The following WAC variants were observed in gnomAD, a reference collection of about 807,000 sequenced individuals.
WAC encodes the protein WW domain-containing adapter protein with coiled-coil.
WAC carries 11 observed loss-of-function variants against 79.6 expected under a neutral mutation model. The ratio of observed to expected loss-of-function variants is 0.14; its 90% CI spans 0.09 to 0.23. The LOEUF is 0.23. Ranked by LOEUF, WAC falls within the 10% of genes least tolerant of loss-of-function variation. The probability of loss-of-function intolerance (pLI) is 1.00; values close to 1 mark genes in which losing one functional copy is unlikely to be tolerated. For missense variants in WAC, 728 were observed against 773.5 expected (o/e 0.94, Z 0.70); for synonymous variants, 304 against 276.9 (o/e 1.10, Z -0.97).
At chr10:28,550,532 TTGTA>T (rs1277780017) in intron 3 of WAC, among the ~76,000 whole-genome samples, 6 of 152,116 alleles carry the variant, frequency 3.9e-5, no homozygotes, top group South Asian at 2.1e-4. Flanking sequence ...AGGCAGCGAT[TTGTA>T]TGTGTGTGTG....
chr10:28,598,484 G>A (rs1564410214), intron 7 of WAC, among the ~76,000 whole-genome samples: 1 of 152,160 alleles, frequency 6.6e-6, no homozygotes, highest in East Asian at 1.9e-4. Context: ...CCCCTCTAGG[G>A]CTCAACATTA....
intron 3 of WAC, among the ~76,000 whole-genome samples, chr10:28,561,037 G>A (rs1423835741): frequency 1.3e-5 from 2 of 152,202 alleles, no homozygotes; most frequent in Non-Finnish European, 2.9e-5. Flanking sequence ...AATGCCAGAT[G>A]AAGAGGATGT....
At chr10:28,562,340 G>A (rs1838347114) in intron 3 of WAC, among the ~76,000 whole-genome samples, 1 of 152,184 alleles carries the variant, frequency 6.6e-6, no homozygotes, top group African/African-American at 2.4e-5. Flanking sequence ...ACAGGCATCA[G>A]CCACCAGGCC....
At chr10:28,573,118 A>G (rs1017026526) in intron 3 of WAC, among the ~76,000 whole-genome samples, 1 of 151,074 alleles carries the variant, frequency 6.6e-6, no homozygotes, top group Non-Finnish European at 1.5e-5. Context: ...TTACATGGCT[A>G]TTTTTTTTTC....
intron 3 of WAC, among the ~76,000 whole-genome samples, chr10:28,543,132 T>C (rs770912166): frequency 6.6e-6 from 1 of 152,220 alleles, no homozygotes; most frequent in Non-Finnish European, 1.5e-5. Context: ...GATACTATAG[T>C]CAGTAATTCT....
In WAC at chr10:28,596,028, A is replaced by G. The variant is rs1400756844; in HGVS notation, c.906A>G (p.Lys302=). ...PTPTSSVPAQ[K]TERKESTSGD... ...CCACATCTTCTGTCCCTGCACAGAA[A>G]ACAGAAAGAAAAGGTATGCCATTAT... Residue 302 remains lysine (K), a synonymous_variant, in exon 7 of 14, where the codon AAA becomes AAG. Coordinates refer to ENST00000354911, the MANE Select transcript of WAC (RefSeq NM_016628.5). The G allele has an allele frequency of 6.2e-7, 1 of 1,613,762 alleles. No homozygotes were observed. The highest frequency in any genetic ancestry group is 1.1e-5 in the South Asian group (1 of 91,066).
At chr10:28,535,788 T>C in intron 3 of WAC, 31 bp downstream of exon 3, 1 of 1,570,242 alleles carries the variant, frequency 6.4e-7, no homozygotes, top group Non-Finnish European at 8.7e-7. Context: ...AACTTTGACA[T>C]ACAGTTTTAA....
chr10:28,554,158 C>T (rs542890018), intron 3 of WAC, among the ~76,000 whole-genome samples: 7 of 152,220 alleles, frequency 4.6e-5, no homozygotes, highest in South Asian at 4.1e-4. Context: ...CATGAACTGC[C>T]GCACCCAGCC....
chr10:28,598,200 A>G (rs1425061472), intron 7 of WAC, among the ~76,000 whole-genome samples: 2 of 152,224 alleles, frequency 1.3e-5, no homozygotes, highest in Admixed American at 1.3e-4. Flanking sequence ...TTAAACATCC[A>G]GATGATAAAG....
intron 3 of WAC, among the ~76,000 whole-genome samples, chr10:28,552,211 AT>A (rs1169119141): frequency 6.6e-6 from 1 of 152,064 alleles, no homozygotes; most frequent in Non-Finnish European, 1.5e-5. Flanking sequence ...ATTCTTAGGT[AT>A]ATGTGTGGTT....
chr10:28,599,363 G>A (rs1840528483), intron 7 of WAC, among the ~76,000 whole-genome samples: 1 of 152,164 alleles, frequency 6.6e-6, no homozygotes, highest in Admixed American at 6.5e-5. Flanking sequence ...CTTAACCACT[G>A]CTCTATTCCT....
chr10:28,603,722 A>G (rs1207004054), intron 7 of WAC, among the ~76,000 whole-genome samples: 3 of 151,596 alleles, frequency 2.0e-5, no homozygotes, highest in Non-Finnish European at 4.4e-5. Context: ...CCACGAGGTC[A>G]GGAGATCGAG....
chr10:28,603,957 G>A (rs377409446), intron 7 of WAC, among the ~76,000 whole-genome samples: 21 of 3,276 alleles, frequency 6.4e-3, no homozygotes, highest in South Asian at 0.023. Flanking sequence ...ATATATGTAT[G>A]TATGTATATA....
chr10:28,568,476 G>T (rs1330770672), intron 3 of WAC, among the ~76,000 whole-genome samples: 1 of 152,054 alleles, frequency 6.6e-6, no homozygotes, highest in African/African-American at 2.4e-5. Context: ...CACCTCCCGG[G>T]TTCAAGCAAT....
chr10:28,574,546 G>T (rs925200582), intron 3 of WAC, among the ~76,000 whole-genome samples: 1 of 151,768 alleles, frequency 6.6e-6, no homozygotes, highest in Non-Finnish European at 1.5e-5. Context: ...GGGTTCTGGC[G>T]ATTCTCCTGT....
chr10:28,599,477 T>G (rs1284011509), intron 7 of WAC, among the ~76,000 whole-genome samples: 1 of 152,210 alleles, frequency 6.6e-6, no homozygotes, highest in Non-Finnish European at 1.5e-5. Context: ...GTGTAATGGA[T>G]GTTGTATAGG....
At chr10:28,565,590 A>G (rs572549962) in intron 3 of WAC, among the ~76,000 whole-genome samples, 2 of 152,330 alleles carry the variant, frequency 1.3e-5, no homozygotes, top group East Asian at 3.9e-4. Context: ...ACTTATTGTC[A>G]TCAATTATCA....
At chr10:28,574,986 TG>T (rs34146566) in intron 3 of WAC, among the ~76,000 whole-genome samples, 34,177 of 152,110 alleles carry the variant, frequency 0.22, 4,672 homozygotes, top group Non-Finnish European at 0.28. Flanking sequence ...GTTACATTAA[TG>T]GTACCTAGAG....
intron 13 of WAC, 56 bp downstream of exon 13, chr10:28,617,840 C>G (rs1841539096): frequency 1.3e-6 from 2 of 1,499,872 alleles, no homozygotes; most frequent in African/African-American, 2.9e-5. Flanking sequence ...ATTCTTAAAT[C>G]GAACTAAAGA....
Sources: gnomAD v4.1 joint callset for allele counts (sites outside exome capture counted in the v4.1 genomes callset) on GRCh38, gnomAD v4.1.1 for gene constraint, MANE v1.5 for transcripts, NCBI Gene and HGNC (gene_info 2026-07-23, HGNC 2026-07-21) for gene names.